LMBR1: variants seen among roughly 807,000 people sequenced by gnomAD.
LMBR1 encodes limb development membrane protein 1.
In LMBR1, 52 loss-of-function variants were observed where a neutral mutation model predicts 73.9. The ratio of observed to expected loss-of-function variants is 0.70; its 90% CI spans 0.56 to 0.89. The LOEUF (loss-of-function observed/expected upper bound fraction) is 0.89, where lower values mean the gene tolerates loss of function less well. Ranked by LOEUF, LMBR1 falls within the 40% of genes least tolerant of loss-of-function variation. The pLI is 0.00. For missense variants in LMBR1, 539 were observed against 579.8 expected, an observed-to-expected ratio of 0.93 and a Z score of 0.72; for synonymous variants, 215 against 209.4, an observed-to-expected ratio of 1.03 and a Z score of -0.23.
intron 1 of LMBR1, among the ~76,000 whole-genome samples, chr7:156,874,643 G>A (rs1324898491): frequency 1.3e-5 from 2 of 152,220 alleles, no homozygotes; most frequent in Admixed American, 1.3e-4. Flanking sequence ...GACAACCCCA[G>A]TACCAGCCCT....
intron 5 of LMBR1, chr7:156,779,646 TGTACTTACAAAA>T: frequency 8.0e-7 from 1 of 1,252,684 alleles, no homozygotes; most frequent in Non-Finnish European, 1.0e-6. Flanking sequence ...AAAATTACAA[TGTACTTACAAAA>T]GCTCTATGGA....
At chr7:156,849,604 A>G (rs1215912010) in intron 1 of LMBR1, among the ~76,000 whole-genome samples, 5 of 152,344 alleles carry the variant, frequency 3.3e-5, no homozygotes, top group Non-Finnish European at 7.3e-5. Flanking sequence ...TATGATTCCA[A>G]CTATATTCCG....
intron 1 of LMBR1, among the ~76,000 whole-genome samples, chr7:156,871,769 C>T (rs949753277): frequency 6.6e-6 from 1 of 152,112 alleles, no homozygotes; most frequent in Non-Finnish European, 1.5e-5. Context: ...TGTCAACAAA[C>T]TACAAACAAA....
intron 3 of LMBR1, among the ~76,000 whole-genome samples, chr7:156,829,077 T>C (rs1023353869): frequency 7.2e-5 from 11 of 152,318 alleles, no homozygotes; most frequent in African/African-American, 2.4e-4. Context: ...GATTAGATTG[T>C]ACAATCCGAC....
intron 1 of LMBR1, among the ~76,000 whole-genome samples, chr7:156,853,531 T>C (rs1796533513): frequency 6.6e-6 from 1 of 152,172 alleles, no homozygotes; most frequent in East Asian, 1.9e-4. Context: ...ATAGAACCAC[T>C]TTCTAAAAGT....
chr7:156,795,236 G>A (rs1044274128), intron 5 of LMBR1, among the ~76,000 whole-genome samples: 2 of 152,094 alleles, frequency 1.3e-5, no homozygotes, highest in Admixed American at 6.6e-5. Context: ...AGATTCCCCA[G>A]GAAAATCAAG....
At chr7:156,843,551 A>G (rs1839077428) in intron 1 of LMBR1, among the ~76,000 whole-genome samples, 1 of 152,186 alleles carries the variant, frequency 6.6e-6, no homozygotes, top group Admixed American at 6.5e-5. Context: ...ATCATTTCAT[A>G]AAATCCAGGG....
chr7:156,714,594 C>T (rs759242936), intron 15 of LMBR1, among the ~76,000 whole-genome samples: 2 of 152,130 alleles, frequency 1.3e-5, no homozygotes, highest in Non-Finnish European at 2.9e-5. Flanking sequence ...GAATGGCAAA[C>T]GTCTTTGCAG....
At chr7:156,686,635 G>C (rs1352848553) in intron 16 of LMBR1, among the ~76,000 whole-genome samples, 1 of 152,162 alleles carries the variant, frequency 6.6e-6, no homozygotes, top group Non-Finnish European at 1.5e-5. Flanking sequence ...GAACTGACAT[G>C]CATATAAGGC....
chr7:156,675,359 G>A (rs1439347000), downstream of LMBR1, among the ~76,000 whole-genome samples: 1 of 152,166 alleles, frequency 6.6e-6, no homozygotes, highest in East Asian at 1.9e-4. Flanking sequence ...ACCCACTTTA[G>A]GGGTGGGGAG....
intron 15 of LMBR1, among the ~76,000 whole-genome samples, chr7:156,718,949 G>C (rs1293426007): frequency 2.6e-5 from 4 of 151,230 alleles, no homozygotes; most frequent in Non-Finnish European, 5.9e-5. Context: ...GAAGAAAACA[G>C]GGAAAAACTT....
chr7:156,737,023 G>A (rs971972670), intron 9 of LMBR1, among the ~76,000 whole-genome samples: 1 of 151,958 alleles, frequency 6.6e-6, no homozygotes, highest in African/African-American at 2.4e-5. Flanking sequence ...TTTCACCCCG[G>A]GACTGCCTGC....
chr7:156,726,064 C>G (rs890058052), intron 12 of LMBR1: 3 of 395,502 alleles, frequency 7.6e-6, no homozygotes, highest in Non-Finnish European at 1.4e-5. Context: ...TTACTTATCT[C>G]AAATGTAATT....
Position 156,725,471 on chromosome 7 carries a change from G to C in LMBR1, c.1122C>G (p.Asn374Lys), listed in dbSNP as rs1324972936. Residue 374 changes from asparagine to lysine, a missense_variant, in exon 14 of 17, where the codon AAC becomes AAG. Transcript: ENST00000353442. ...VGFYSLRFFG[N>K]FTPKKDDTTM... ...TTGTGTCATCTTTCTTGGGAGTAAA[G>C]TTTCCAAAAAATCGAAGGCTATAGA... 6.2e-7 allele frequency: 1 copy of C among 1,610,346 alleles called. No individual in the cohort carries two copies. Among genetic ancestry groups the C allele is most frequent in the East Asian group, 2.2e-5 (1 of 44,798 alleles).
chr7:156,688,286 A>C, intron 15 of LMBR1, 95 bp from the exon 16 acceptor site: 2 of 802,786 alleles, frequency 2.5e-6, no homozygotes, highest in South Asian at 2.1e-5. Flanking sequence ...AATTCTATGG[A>C]CTTTCTCACT....
At chr7:156,722,519 G>C (rs1311186505) in intron 15 of LMBR1, among the ~76,000 whole-genome samples, 1 of 152,006 alleles carries the variant, frequency 6.6e-6, no homozygotes, top group Non-Finnish European at 1.5e-5. Context: ...ACTGTGAAAA[G>C]CCTCTATGAA....
chr7:156,671,666 G>A (rs113855818), intron 4 of LMBR1, among the ~76,000 whole-genome samples: 26 of 152,196 alleles, frequency 1.7e-4, no homozygotes, highest in South Asian at 1.7e-3. Flanking sequence ...TGCGGTACAG[G>A]CGGTCCTGTC....
At chr7:156,883,993 C>T (rs1801501916) in intron 1 of LMBR1, among the ~76,000 whole-genome samples, 1 of 152,182 alleles carries the variant, frequency 6.6e-6, no homozygotes, top group Non-Finnish European at 1.5e-5. Context: ...CTGCCTACCG[C>T]AGAGGGGAAG....
chr7:156,775,071 C>T (rs10258196), intron 5 of LMBR1, among the ~76,000 whole-genome samples: 28,311 of 152,020 alleles, frequency 0.19, 3,095 homozygotes, highest in African/African-American at 0.3. Context: ...ACTATGCTTA[C>T]AACCTGGGTG....
Sources: allele counts gnomAD v4.1 joint callset (sites outside exome capture counted in the v4.1 genomes callset), GRCh38; gene constraint gnomAD v4.1.1; transcripts MANE v1.5; gene names NCBI Gene and HGNC (gene_info 2026-07-23, HGNC 2026-07-21).